GPC5: variants seen among roughly 807,000 people sequenced by gnomAD.
GPC5 encodes the protein glypican 5.
A neutral mutation model predicts 53.9 loss-of-function variants in GPC5; 47 were observed. The observed-to-expected ratio is 0.87, with a 90% CI of 0.69 to 1.11. GPC5 has a LOEUF of 1.11. Ranked by LOEUF, GPC5 falls within the 50% of genes most tolerant of loss-of-function variation. GPC5 has a pLI of 0.00. For synonymous variants in GPC5, 286 were observed against 263.3 expected, an observed-to-expected ratio of 1.09 and a Z score of -0.84; for missense variants, 748 against 713.1, an observed-to-expected ratio of 1.05 and a Z score of -0.56.
intron 7 of GPC5, among the ~76,000 whole-genome samples, chr13:92,347,248 A>T (rs1170401162): frequency 6.6e-6 from 1 of 152,216 alleles, no homozygotes. Flanking sequence ...GACACATAAT[A>T]ATCAAACTAC....
At chr13:92,828,980 C>T (rs1169878344) in intron 7 of GPC5, among the ~76,000 whole-genome samples, 1 of 152,146 alleles carries the variant, frequency 6.6e-6, no homozygotes, top group Non-Finnish European at 1.5e-5. Flanking sequence ...CACAATTGCA[C>T]TTGTATCCCT....
At chr13:92,104,926 A>C (rs1327832104) in intron 6 of GPC5, among the ~76,000 whole-genome samples, 1 of 152,156 alleles carries the variant, frequency 6.6e-6, no homozygotes, top group Non-Finnish European at 1.5e-5. Flanking sequence ...TCATCTTCTA[A>C]AACATGGACA....
Position 92,593,345 on chromosome 13 carries a change from G to A in GPC5, c.1562-272937G>A, listed in dbSNP as rs756986087. Among the ~76,000 whole-genome samples, 16 of 151,090 alleles carry A rather than the reference G, an allele frequency of 1.1e-4. 1 individual carries two copies. The highest frequency in any genetic ancestry group is 3.9e-4 in the African/African-American group (16 of 41,192). On this transcript the variant is annotated intron_variant, in intron 7 of 7. Transcript: ENST00000377067. ...AGTAAGGAGACTGCTGATGAGATGC[G>A]TATGTAAATTTTGAGTGAGTGTCAA...
intron 7 of GPC5, among the ~76,000 whole-genome samples, chr13:92,562,895 G>A (rs571203425): frequency 2.9e-4 from 44 of 151,940 alleles, no homozygotes; most frequent in East Asian, 1.4e-3. Flanking sequence ...AGATTTTGCC[G>A]AATGGTAAAC....
chr13:91,524,649 G>C (rs1042239354), intron 2 of GPC5, among the ~76,000 whole-genome samples: 2 of 152,090 alleles, frequency 1.3e-5, no homozygotes, highest in Middle Eastern at 3.2e-3. Flanking sequence ...CCAGAAATTA[G>C]TTCTGTGGGT....
intron 7 of GPC5, among the ~76,000 whole-genome samples, chr13:92,638,592 CTCT>C (rs1197592241): frequency 9.0e-4 from 137 of 152,170 alleles, no homozygotes; most frequent in African/African-American, 3.2e-3. Flanking sequence ...CTTAGTCTCT[CTCT>C]AAGCTCTACA....
intron 2 of GPC5, among the ~76,000 whole-genome samples, chr13:91,479,103 G>A (rs1179609655): frequency 6.6e-6 from 1 of 150,988 alleles, no homozygotes; most frequent in Non-Finnish European, 1.5e-5. Flanking sequence ...AGTAGAGATG[G>A]GGTTTCACCG....
At chr13:92,825,040 C>T (rs952130643) in intron 7 of GPC5, among the ~76,000 whole-genome samples, 8 of 152,002 alleles carry the variant, frequency 5.3e-5, no homozygotes, top group African/African-American at 1.9e-4. Context: ...ATAATTTAGG[C>T]ATATAATTCT....
chr13:91,783,126 C>T (rs2037823821), intron 5 of GPC5, among the ~76,000 whole-genome samples: 1 of 152,000 alleles, frequency 6.6e-6, no homozygotes, highest in Non-Finnish European at 1.5e-5. Context: ...TAGTGGTGGA[C>T]ACCTGTAATC....
At chr13:92,837,014 TG>T (rs1878242943) in intron 7 of GPC5, among the ~76,000 whole-genome samples, 1 of 152,044 alleles carries the variant, frequency 6.6e-6, no homozygotes, top group Non-Finnish European at 1.5e-5. Context: ...AGAAAACTGA[TG>T]GGGAAAGAAA....
chr13:92,161,990 TA>T, intron 7 of GPC5, among the ~76,000 whole-genome samples: 1 of 131,956 alleles, frequency 7.6e-6, no homozygotes, highest in South Asian at 2.5e-4. Flanking sequence ...TATATATATA[TA>T]TATATGAAAC....
rs551341455 is a variant in GPC5 at position 91,918,828 on chromosome 13, T to C, written c.1401+10771T>C. ...TCTTCATGTATCTCTTTATTTCCTT[T>C]AAATGCTATGTTTTTTCTGGGTTCC... On this transcript the variant is annotated intron_variant, in intron 6 of 7. Coordinates refer to ENST00000377067, the MANE Select transcript of GPC5 (RefSeq NM_004466.6). 6.0e-4 allele frequency among the ~76,000 whole-genome samples: 91 copies of C among 152,274 alleles called. 1 individual carries two copies. Among genetic ancestry groups the C allele is most frequent in the African/African-American group, 2.0e-3 (82 of 41,566 alleles).
chr13:92,374,623 T>C (rs1168540417), intron 7 of GPC5, among the ~76,000 whole-genome samples: 1 of 146,664 alleles, frequency 6.8e-6, no homozygotes, highest in Non-Finnish European at 1.5e-5. Context: ...AAACACCGCA[T>C]ATTCTCACTC....
At chr13:92,683,445 G>A (rs1162702027) in intron 7 of GPC5, among the ~76,000 whole-genome samples, 1 of 152,082 alleles carries the variant, frequency 6.6e-6, no homozygotes, top group Non-Finnish European at 1.5e-5. Flanking sequence ...TTGAAGAACC[G>A]CTACTTATGG....
intron 7 of GPC5, among the ~76,000 whole-genome samples, chr13:92,388,953 C>A (rs770170810): frequency 6.6e-6 from 1 of 152,006 alleles, no homozygotes; most frequent in Non-Finnish European, 1.5e-5. Context: ...ACCAGAGTAA[C>A]CTTGTCTGAT....
At chr13:91,582,949 C>A (rs1253491020) in intron 2 of GPC5, among the ~76,000 whole-genome samples, 1 of 151,814 alleles carries the variant, frequency 6.6e-6, no homozygotes, top group African/African-American at 2.4e-5. Flanking sequence ...TGTAGTGAGC[C>A]GAGATCATTC....
chr13:92,202,546 T>C (rs2042302918), intron 7 of GPC5, among the ~76,000 whole-genome samples: 2 of 152,192 alleles, frequency 1.3e-5, no homozygotes, highest in African/African-American at 2.4e-5. Context: ...AACAAATAGT[T>C]ACACACTAGC....
chr13:92,162,996 A>G (rs551903929), intron 7 of GPC5, among the ~76,000 whole-genome samples: 9 of 152,228 alleles, frequency 5.9e-5, no homozygotes, highest in South Asian at 2.1e-4. Context: ...TCATCCCCAT[A>G]TTCGTCATTA....
chr13:91,577,882 T>C (rs2032197614), intron 2 of GPC5, among the ~76,000 whole-genome samples: 1 of 152,238 alleles, frequency 6.6e-6, no homozygotes, highest in Non-Finnish European at 1.5e-5. Flanking sequence ...GACATTCCTT[T>C]CGAAAGATGG....
Sources: allele counts gnomAD v4.1 joint callset (sites outside exome capture counted in the v4.1 genomes callset), GRCh38; gene constraint gnomAD v4.1.1; transcripts MANE v1.5; gene names NCBI Gene and HGNC (gene_info 2026-07-23, HGNC 2026-07-21).